The following DMD variants were observed in gnomAD, a reference collection of about 807,000 sequenced individuals.
DMD encodes the protein mutant dystrophin.
In DMD, 63 loss-of-function variants were observed where a neutral mutation model predicts 330.1. That is an observed-to-expected ratio of 0.19 (90% CI 0.16 to 0.24). The LOEUF (loss-of-function observed/expected upper bound fraction) is 0.24, where lower values mean the gene tolerates loss of function less well. Ranked by LOEUF, DMD falls within the 10% of genes least tolerant of loss-of-function variation. The pLI is 1.00. For synonymous variants in DMD, 1,223 were observed against 959.8 expected (o/e 1.27, Z -5.07); for missense variants, 3,344 against 2,684.1 (o/e 1.25, Z -5.43).
rs768784909 is a variant in DMD at position 32,348,656 on chromosome X, T to C, written c.5326-128A>G. On this transcript the variant is annotated intron_variant, in intron 37 of 78. Transcript: ENST00000357033. ...CATGCATTATGTTTCCATATTATGT[T>C]TTATGAAGGGTTTTGAAATACAACT... 1.6e-4 allele frequency: 102 copies of C among 624,354 alleles called. No individual in the cohort carries two copies. In the South Asian group the frequency reaches 3.0e-3, roughly 18 times the overall value. The allele number at this position is 624,354 out of a possible 1,213,427, so 51.5% of individuals were successfully genotyped here.
chrX:32,152,027 G>C (rs2096806191), intron 44 of DMD, among the ~76,000 whole-genome samples: 1 of 111,689 alleles, frequency 9.0e-6, no homozygotes, highest in African/African-American at 3.3e-5. Flanking sequence ...ATATGCCCTT[G>C]TACACATGAA....
chrX:32,101,127 T>C (rs1000529679), intron 44 of DMD, among the ~76,000 whole-genome samples: 2 of 112,092 alleles, frequency 1.8e-5, no homozygotes, highest in Non-Finnish European at 3.8e-5. Context: ...ATTAGTGATA[T>C]TATGTATAAG....
intron 7 of DMD, among the ~76,000 whole-genome samples, chrX:32,805,124 T>A (rs1015051981): frequency 5.4e-5 from 6 of 111,591 alleles, no homozygotes; most frequent in African/African-American, 2.0e-4. Context: ...GTATGACGAA[T>A]TGACATAAGT....
intron 43 of DMD, among the ~76,000 whole-genome samples, chrX:32,252,583 CAT>C (rs1340540433): frequency 2.0e-3 from 63 of 31,506 alleles, no homozygotes; most frequent in East Asian, 2.8e-3. Context: ...TATATAGTGC[CAT>C]ATATATATAT....
In DMD at chrX:32,376,556, AAATT is replaced by A. The variant is rs1427462511; in HGVS notation, c.4845+3950_4845+3953del. 1.7e-4 allele frequency among the ~76,000 whole-genome samples: 19 copies of A among 111,335 alleles called. No individual in the cohort carries two copies. The Admixed American group carries it at 1.8e-3, about 11-fold the overall frequency. ...TATAAATAGGCGATGAAATACTATT[AAATT>A]AATTAAATAACATAATCTAGTAAGA... On this transcript the variant is annotated intron_variant, in intron 34 of 78. Coordinates refer to ENST00000357033, the MANE Select transcript of DMD (RefSeq NM_004006.3).
chrX:32,346,065 C>A lies in DMD; in HGVS notation c.5464G>T (p.Gly1822Cys), dbSNP rs766746479. 1.7e-6 allele frequency: 2 copies of A among 1,209,309 alleles called. No individual in the cohort carries two copies. The highest frequency in any genetic ancestry group is 1.8e-5 in the South Asian group (1 of 56,935). Residue 1822 changes from glycine (G) to cysteine (C), a missense_variant, in exon 39 of 79, where the codon GGT (glycine) becomes TGT (cysteine). Gly to Cys is a radical substitution (Grantham distance 159). Transcript: ENST00000357033. Reference protein sequence around the residue: ...FNKDMNEDNEGTVKELLQRGD... With the variant: ...FNKDMNEDNECTVKELLQRGD... ...CTTTGCAACAATTCTTTTACAGTAC[C>A]CTCATTGTCTTCATTCTGATCAAAA...
intron 44 of DMD, chrX:32,206,216 T>C: frequency 3.9e-6 from 2 of 513,337 alleles, no homozygotes; most frequent in Non-Finnish European, 7.1e-6. Context: ...GGCCAGTGCA[T>C]GTGAGTGGAC....
chrX:32,809,802 T>A (rs1285450334), intron 6 of DMD, among the ~76,000 whole-genome samples, 191 bp from the exon 7 acceptor site: 1 of 108,059 alleles, frequency 9.3e-6, no homozygotes, highest in Admixed American at 1.0e-4. Flanking sequence ...GAAGATCTCA[T>A]TGGGTGTGGT....
chrX:31,960,634 G>A (rs897339596), intron 45 of DMD, among the ~76,000 whole-genome samples: 8 of 111,621 alleles, frequency 7.2e-5, no homozygotes, highest in Non-Finnish European at 1.5e-4. Flanking sequence ...GTTCATGGAA[G>A]GCCACAAATA....
chrX:33,202,813 ATG>A (rs2051353763), intron 1 of DMD, among the ~76,000 whole-genome samples: 1 of 112,016 alleles, frequency 8.9e-6, no homozygotes, highest in African/African-American at 3.2e-5. Context: ...GCATATACAT[ATG>A]TGTGTGTATC....
chrX:33,267,670 A>G (rs1426168327), intron 1 of DMD, among the ~76,000 whole-genome samples: 2 of 111,827 alleles, frequency 1.8e-5, no homozygotes, highest in Non-Finnish European at 3.8e-5. Context: ...ACAAGACTAC[A>G]GTAGCCAATA....
intron 55 of DMD, among the ~76,000 whole-genome samples, chrX:31,530,647 C>CTTTTTTTTTTTTTTTTTTTTT (rs1192286078): frequency 2.2e-4 from 11 of 49,799 alleles, no homozygotes; most frequent in Admixed American, 2.6e-4. Flanking sequence ...ACTGGTTTCT[C>CTTTTTTTTTTTTTTTTTTTTT]TTTTTTTTTT....
At position 32,970,424 on chromosome X, in the gene DMD, A is replaced by G. The variant is rs1222812806; in HGVS notation, c.93+49715T>C. ...ATGTCTGTATCAAAACATCTCATGTACCCCATAAATATATATATCTATTGT... is the reference window on the plus strand; with the variant it reads ...ATGTCTGTATCAAAACATCTCATGTGCCCCATAAATATATATATCTATTGT... On this transcript the variant is annotated intron_variant, in intron 2 of 78. Coordinates refer to ENST00000357033, the MANE Select transcript of DMD (RefSeq NM_004006.3). Among the ~76,000 whole-genome samples, 3 of 93,987 alleles carry G rather than the reference A, an allele frequency of 3.2e-5. 1 individual carries two copies. The highest frequency in any genetic ancestry group is 6.1e-5 in the Non-Finnish European group (3 of 49,418). The allele number at this position is 93,987 out of a possible 115,157, so 81.6% of individuals were successfully genotyped here.
chrX:32,003,998 A>C (rs1162922114), intron 44 of DMD, among the ~76,000 whole-genome samples: 3 of 111,523 alleles, frequency 2.7e-5, no homozygotes, highest in Non-Finnish European at 5.7e-5. Flanking sequence ...ATTTCAGTTT[A>C]TAAATTTCTT....
chrX:32,698,397 T>G (rs1295750780), intron 8 of DMD, among the ~76,000 whole-genome samples: 1 of 111,683 alleles, frequency 9.0e-6, no homozygotes, highest in Non-Finnish European at 1.9e-5. Context: ...TTTCATAAGC[T>G]AATACAGAGC....
intron 7 of DMD, among the ~76,000 whole-genome samples, chrX:32,762,685 C>T (rs763064430): frequency 3.6e-5 from 4 of 109,786 alleles, no homozygotes; most frequent in South Asian, 4.0e-4. Context: ...CTTGCTTGAC[C>T]GGAGCCTGGT....
intron 34 of DMD, among the ~76,000 whole-genome samples, chrX:32,378,866 A>G (rs1300635275): frequency 9.0e-6 from 1 of 110,885 alleles, no homozygotes; most frequent in Admixed American, 9.7e-5. Context: ...CCAAGAAACC[A>G]TGAGAAATGA....
chrX:32,729,819 G>A (rs1006290527), intron 7 of DMD, among the ~76,000 whole-genome samples: 8 of 111,734 alleles, frequency 7.2e-5, no homozygotes, highest in Non-Finnish European at 1.5e-4. Flanking sequence ...CGTTGTCTCA[G>A]CAGGGCATTC....
intron 1 of DMD, among the ~76,000 whole-genome samples, chrX:33,099,658 A>T (rs1358584661): frequency 8.9e-6 from 1 of 112,201 alleles, no homozygotes; most frequent in Non-Finnish European, 1.9e-5. Flanking sequence ...TTCCATATCT[A>T]TCTAGAAACA....
Sources: gnomAD v4.1 joint callset for allele counts (sites outside exome capture counted in the v4.1 genomes callset) on GRCh38, gnomAD v4.1.1 for gene constraint, MANE v1.5 for transcripts, NCBI Gene and HGNC (gene_info 2026-07-23, HGNC 2026-07-21) for gene names.